The following PLA2G1B variants were observed in gnomAD, a reference collection of about 807,000 sequenced individuals.
The protein encoded by PLA2G1B is phospholipase A2.
Under a neutral mutation model 12.5 loss-of-function variants are expected in PLA2G1B, and 12 were observed. The observed-to-expected ratio is 0.96, with a 90% CI of 0.62 to 1.56. PLA2G1B has a LOEUF of 1.56. PLA2G1B is among the 40% of genes most tolerant of loss of function. PLA2G1B has a pLI of 0.00. For synonymous variants in PLA2G1B, 81 were observed against 73.4 expected, an observed-to-expected ratio of 1.10 and a Z score of -0.53; for missense variants, 189 against 186.7, an observed-to-expected ratio of 1.01 and a Z score of -0.07.
Position 120,325,881 on chromosome 12 carries a change from G to A in PLA2G1B, c.174C>T (p.Thr58=), listed in dbSNP as rs367782740. ...CTTACTTGTCCAGTTCATCCACGGGGGTGCCTGAGCCCCCCAAGCCACAGT... is the reference window on the plus strand; with the variant it reads ...CTTACTTGTCCAGTTCATCCACGGGAGTGCCTGAGCCCCCCAAGCCACAGT... ...GCYCGLGGSG[T]PVDELDKCCQ... is the part of the protein sequence containing the mutation. The change falls in exon 2 of 4, where the codon ACC becomes ACT. Residue 58 remains threonine (T), a synonymous_variant. Transcript: ENST00000308366. 5 of 1,613,860 alleles carry A rather than the reference G, an allele frequency of 3.1e-6. No individual in the cohort carries two copies. In the African/African-American group the frequency reaches 6.7e-5, roughly 22 times the overall value.
intron 3 of PLA2G1B, among the ~76,000 whole-genome samples, chr12:120,323,297 G>T (rs529431443): frequency 6.6e-6 from 1 of 151,564 alleles, no homozygotes; most frequent in African/African-American, 2.4e-5. Context: ...ATAGAGTCTC[G>T]CTGTGTCGCC....
At chr12:120,326,460 A>G (rs1873350525) in intron 1 of PLA2G1B, among the ~76,000 whole-genome samples, 1 of 148,562 alleles carries the variant, frequency 6.7e-6, no homozygotes, top group African/African-American at 2.5e-5. Flanking sequence ...CTCCTGCCTC[A>G]GCCTCCCTAG....
chr12:120,323,793 A>AAAAAC (rs1184300033), intron 3 of PLA2G1B, among the ~76,000 whole-genome samples: 9 of 152,196 alleles, frequency 5.9e-5, no homozygotes, highest in South Asian at 4.1e-4. Context: ...GTAACAATGA[A>AAAAAC]AAAACAGTAA....
At chr12:120,326,143 C>T in intron 1 of PLA2G1B, 123 bp from the exon 2 acceptor site, 1 of 921,956 alleles carries the variant, frequency 1.1e-6, no homozygotes, top group Non-Finnish European at 1.6e-6. Context: ...CTCTGAAGAC[C>T]GTTGGACCCA....
chr12:120,327,598 C>T (rs1873375657), intron 1 of PLA2G1B, 122 bp downstream of exon 1: 2 of 973,216 alleles, frequency 2.1e-6, no homozygotes, highest in Admixed American at 1.8e-5. Flanking sequence ...CTGGGAACCT[C>T]GAATTGAGAC....
At chr12:120,326,050 C>A (rs768045589) in intron 1 of PLA2G1B, 30 bp from the exon 2 acceptor site, 4 of 1,609,798 alleles carry the variant, frequency 2.5e-6, no homozygotes, top group East Asian at 2.2e-5. Flanking sequence ...GAGTTCAAAT[C>A]GGTCTGCCAG....
intron 2 of PLA2G1B, 140 bp downstream of exon 2, chr12:120,325,721 T>G: frequency 1.3e-6 from 1 of 795,462 alleles, no homozygotes; most frequent in Non-Finnish European, 2.0e-6. Flanking sequence ...TGGAACATAT[T>G]TGTTTATTTG....
In PLA2G1B at chr12:120,322,166, A is replaced by G. The variant is rs546759136; in HGVS notation, c.*27T>C. ...GAGTACAGTGTGAGATGAGGCAGAT[A>G]GAGGTGATGCTTTTGAGAGGTGATA... On this transcript the variant is annotated 3_prime_UTR_variant, in exon 4 of 4. Coordinates refer to ENST00000308366, the MANE Select transcript of PLA2G1B (RefSeq NM_000928.3). 1.2e-6 allele frequency: 2 copies of G among 1,611,864 alleles called. No individual in the cohort carries two copies. The highest frequency in any genetic ancestry group is 1.7e-5 in the Admixed American group (1 of 59,818).
At position 120,322,275 on chromosome 12, in the gene PLA2G1B, C is replaced by A. The variant is rs151139112; in HGVS notation, c.365G>T (p.Arg122Leu). The change falls in exon 4 of 4, where the codon CGC (arginine) becomes CTC (leucine). Residue 122 changes from arginine to leucine, a missense_variant. Physicochemically the swap from Arg to Leu is moderately radical, Grantham distance 102. Coordinates refer to ENST00000308366, the MANE Select transcript of PLA2G1B (RefSeq NM_000928.3). ...ECEAFICNCDRNAAICFSKAP... is the reference protein window; with the variant it reads ...ECEAFICNCDLNAAICFSKAP... ...TTTTGAAAAGCAGATGGCAGCGTTGCGGTCGCAGTTGCAAATGAAGGCCTC... is the reference window on the plus strand; with the variant it reads ...TTTTGAAAAGCAGATGGCAGCGTTGAGGTCGCAGTTGCAAATGAAGGCCTC... The A allele has an allele frequency of 1.2e-6, 2 of 1,613,806 alleles. No homozygotes were observed. Among genetic ancestry groups the A allele is most frequent in the Non-Finnish European group, 1.7e-6 (2 of 1,179,848 alleles).
rs1360601498 is a variant in PLA2G1B at position 120,325,897 on chromosome 12, A to C, written c.158T>G (p.Leu53Trp). ...ATCCACGGGGGTGCCTGAGCCCCCC[A>C]AGCCACAGTAGCAGCCGTAGTTGTT... ...EYNNYGCYCGLGGSGTPVDEL... is the reference protein window; with the variant it reads ...EYNNYGCYCGWGGSGTPVDEL... Residue 53 changes from leucine to tryptophan, a missense_variant, in exon 2 of 4, where the codon TTG (leucine) becomes TGG (tryptophan). Physicochemically the swap from Leu to Trp is moderately conservative, Grantham distance 61. Coordinates refer to ENST00000308366, the MANE Select transcript of PLA2G1B (RefSeq NM_000928.3). 9 of 1,614,128 alleles carry C rather than the reference A, an allele frequency of 5.6e-6. No individual in the cohort carries two copies. The Middle Eastern group carries it at 1.2e-3, about 207-fold the overall frequency.
At chr12:120,327,666 G>T in intron 1 of PLA2G1B, 54 bp downstream of exon 1, 1 of 1,555,810 alleles carries the variant, frequency 6.4e-7, no homozygotes, top group Non-Finnish European at 8.9e-7. Flanking sequence ...AGAGGAGTGA[G>T]ATCTTAGCTC....
chr12:120,322,543 T>C (rs9657945), intron 3 of PLA2G1B, among the ~76,000 whole-genome samples: 4 of 152,224 alleles, frequency 2.6e-5, no homozygotes, highest in Non-Finnish European at 1.5e-5. Context: ...AATTATCCAT[T>C]GCTTATCTGA....
At chr12:120,327,378 G>A (rs9657928) in intron 1 of PLA2G1B, among the ~76,000 whole-genome samples, 2 of 152,064 alleles carry the variant, frequency 1.3e-5, no homozygotes, top group African/African-American at 4.8e-5. Context: ...AGTTGAGTAA[G>A]GTGGGAGGAT....
Position 120,325,884 on chromosome 12 carries a change from G to A in PLA2G1B, c.171C>T (p.Gly57=), listed in dbSNP as rs12809579. 2 of 1,613,954 alleles carry A rather than the reference G, an allele frequency of 1.2e-6. No individual in the cohort carries two copies. Among genetic ancestry groups the A allele is most frequent in the Middle Eastern group, 1.7e-4 (1 of 6,056 alleles). The part of the protein sequence containing the change: ...YGCYCGLGGS[G]TPVDELDKCC... ...ACTTGTCCAGTTCATCCACGGGGGT[G>A]CCTGAGCCCCCCAAGCCACAGTAGC... Residue 57 remains glycine, a synonymous_variant, in exon 2 of 4, where the codon GGC becomes GGT. Transcript: ENST00000308366.
At position 120,327,703 on chromosome 12, in the gene PLA2G1B, C is replaced by T. The variant is rs746807452; in HGVS notation, c.34+17G>A. Reference sequence around the variant, plus strand: ...CTTGGGAGAGAAAGGCGGGTGGAGCCGGGGAGACTTGCCTACCTGTGAGCA... The same window carrying T: ...CTTGGGAGAGAAAGGCGGGTGGAGCTGGGGAGACTTGCCTACCTGTGAGCA... On this transcript the variant is annotated intron_variant, in intron 1 of 3. Coordinates refer to ENST00000308366, the MANE Select transcript of PLA2G1B (RefSeq NM_000928.3). The T allele has an allele frequency of 8.1e-6, 13 of 1,612,920 alleles. No individual in the cohort carries two copies. Among genetic ancestry groups the T allele is most frequent in the East Asian group, 4.5e-5 (2 of 44,892 alleles).
chr12:120,322,418 T>C, intron 3 of PLA2G1B, 101 bp from the exon 4 acceptor site: 1 of 1,072,430 alleles, frequency 9.3e-7, no homozygotes, highest in Non-Finnish European at 1.4e-6. Context: ...GCCATTCCAC[T>C]GATGCACATT....
At chr12:120,326,925 C>T (rs185054354) in intron 1 of PLA2G1B, among the ~76,000 whole-genome samples, 119 of 151,892 alleles carry the variant, frequency 7.8e-4, no homozygotes, top group African/African-American at 2.7e-3. Flanking sequence ...GAGCCGAGAT[C>T]GCACCACTGT....
In PLA2G1B at chr12:120,325,955, C is replaced by T. The variant is rs771698724; in HGVS notation, c.100G>A (p.Val34Met). The change falls in exon 2 of 4, where the codon GTG becomes ATG. Residue 34 changes from valine to methionine, a missense_variant. Physicochemically the swap from Val to Met is conservative, Grantham distance 21 (BLOSUM62 1). Coordinates refer to ENST00000308366, the MANE Select transcript of PLA2G1B (RefSeq NM_000928.3). ...AAGAAGGGGTCACTCCCCGGGATCA[C>T]GCACTTGATCATTTTGCGGAACTGC... ...VWQFRKMIKC[V>M]IPGSDPFLEY... The T allele has an allele frequency of 2.5e-6, 4 of 1,614,150 alleles. No homozygotes were observed. The East Asian group carries it at 8.9e-5, about 36-fold the overall frequency.
chr12:120,323,242 T>G (rs1873272251), intron 3 of PLA2G1B, among the ~76,000 whole-genome samples: 2 of 152,136 alleles, frequency 1.3e-5, no homozygotes, highest in South Asian at 4.1e-4. Context: ...TCTTATTAGT[T>G]TTGTTTCTCT....
Sources: allele counts gnomAD v4.1 joint callset (sites outside exome capture counted in the v4.1 genomes callset), GRCh38; gene constraint gnomAD v4.1.1; transcripts MANE v1.5; gene names NCBI Gene and HGNC (gene_info 2026-07-23, HGNC 2026-07-21).